Variants in TRPC4 observed in about 807,000 individuals in gnomAD.
TRPC4 encodes transient receptor potential cation channel subfamily C member 4.
TRPC4 carries 49 observed loss-of-function variants against 99.4 expected under a neutral mutation model. The ratio of observed to expected loss-of-function variants is 0.49; its 90% CI spans 0.39 to 0.63. The LOEUF is 0.63. Ranked by LOEUF, TRPC4 falls within the 20% of genes least tolerant of loss-of-function variation. The probability of loss-of-function intolerance (pLI) is 0.00; values close to 1 mark genes in which losing one functional copy is unlikely to be tolerated. For missense variants in TRPC4, 898 were observed against 1,152.9 expected (o/e 0.78, Z 3.20); for synonymous variants, 454 against 425.9 (o/e 1.07, Z -0.81).
At chr13:37,680,195 G>A (rs557354460) in intron 4 of TRPC4, among the ~76,000 whole-genome samples, 1 of 152,292 alleles carries the variant, frequency 6.6e-6, no homozygotes, top group Non-Finnish European at 1.5e-5. Context: ...TAAAGAAGAA[G>A]TTATGAGCTT....
chr13:37,811,215 A>G (rs1957676068), intron 1 of TRPC4, among the ~76,000 whole-genome samples: 1 of 152,188 alleles, frequency 6.6e-6, no homozygotes, highest in Non-Finnish European at 1.5e-5. Context: ...CAATAACAAA[A>G]TTGGCAACAT....
At chr13:37,707,317 A>T (rs1030043777) in intron 3 of TRPC4, among the ~76,000 whole-genome samples, 1 of 152,158 alleles carries the variant, frequency 6.6e-6, no homozygotes, top group Non-Finnish European at 1.5e-5. Flanking sequence ...AGCAACTTGT[A>T]TGTTTTGAGT....
intron 3 of TRPC4, among the ~76,000 whole-genome samples, chr13:37,736,083 T>C (rs983114082): frequency 1.3e-5 from 2 of 152,198 alleles, no homozygotes; most frequent in African/African-American, 2.4e-5. Flanking sequence ...GGGATTGAAT[T>C]CCAGGGTCTA....
At chr13:37,742,772 AG>A (rs779137759) in intron 3 of TRPC4, among the ~76,000 whole-genome samples, 7 of 152,202 alleles carry the variant, frequency 4.6e-5, no homozygotes, top group Non-Finnish European at 1.0e-4. Flanking sequence ...GACATGCTAA[AG>A]CAGAATTTTC....
chr13:37,846,061 A>G (rs1420246792), intron 1 of TRPC4, among the ~76,000 whole-genome samples: 1 of 152,140 alleles, frequency 6.6e-6, no homozygotes, highest in East Asian at 1.9e-4. Flanking sequence ...GCCAACCAAG[A>G]ATACTTTACC....
intron 2 of TRPC4, among the ~76,000 whole-genome samples, chr13:37,762,070 A>G (rs1389973992): frequency 6.6e-6 from 1 of 151,866 alleles, no homozygotes; most frequent in African/African-American, 2.4e-5. Context: ...TTAAATCACC[A>G]GCAGGTTGGA....
chr13:37,813,924 A>C (rs1957771413), intron 1 of TRPC4, among the ~76,000 whole-genome samples: 1 of 151,876 alleles, frequency 6.6e-6, no homozygotes. Flanking sequence ...TAGAAATAAA[A>C]AAAGTCCTAA....
At chr13:37,722,546 C>T (rs1423025445) in intron 3 of TRPC4, among the ~76,000 whole-genome samples, 2 of 152,104 alleles carry the variant, frequency 1.3e-5, no homozygotes, top group Non-Finnish European at 2.9e-5. Flanking sequence ...AGAACAAACA[C>T]TTGGATTATT....
At chr13:37,757,786 C>T (rs76904546) in intron 2 of TRPC4, among the ~76,000 whole-genome samples, 5,095 of 151,914 alleles carry the variant, frequency 0.034, 261 homozygotes, top group African/African-American at 0.12. Flanking sequence ...GCATAAACAA[C>T]CAGAGAAATT....
At chr13:37,696,916 C>CTTT (rs5802894) in intron 3 of TRPC4, among the ~76,000 whole-genome samples, 6 of 140,998 alleles carry the variant, frequency 4.3e-5, no homozygotes, top group East Asian at 2.1e-4. Context: ...GCTGAAACAT[C>CTTT]TTTTTTTTTT....
At chr13:37,847,670 A>G (rs1260710320) in intron 1 of TRPC4, among the ~76,000 whole-genome samples, 1 of 152,044 alleles carries the variant, frequency 6.6e-6, no homozygotes, top group South Asian at 2.1e-4. Flanking sequence ...AAAATAAAAT[A>G]AATATTTAAA....
intron 8 of TRPC4, among the ~76,000 whole-genome samples, chr13:37,644,438 C>G (rs1262366630): frequency 6.6e-6 from 1 of 152,088 alleles, no homozygotes; most frequent in Non-Finnish European, 1.5e-5. Flanking sequence ...TAAACTTTGA[C>G]AGAGTAATCT....
intron 1 of TRPC4, among the ~76,000 whole-genome samples, chr13:37,825,588 T>C (rs1481882069): frequency 6.8e-6 from 1 of 147,148 alleles, no homozygotes; most frequent in Non-Finnish European, 1.5e-5. Context: ...CGGTTTTGAG[T>C]GAGATTCTTA....
chr13:37,674,708 A>C (rs1952986248), intron 4 of TRPC4, among the ~76,000 whole-genome samples: 2 of 152,162 alleles, frequency 1.3e-5, no homozygotes, highest in Non-Finnish European at 2.9e-5. Context: ...ATGTCTTGAC[A>C]TATATTTTTC....
chr13:37,725,462 C>T (rs1955019646), intron 3 of TRPC4, among the ~76,000 whole-genome samples: 1 of 151,858 alleles, frequency 6.6e-6, no homozygotes, highest in African/African-American at 2.4e-5. Context: ...AAGACAAAGG[C>T]AAAGAGAGAA....
intron 1 of TRPC4, among the ~76,000 whole-genome samples, chr13:37,823,738 T>A (rs1223770819): frequency 2.7e-5 from 4 of 148,080 alleles, no homozygotes; most frequent in African/African-American, 9.9e-5. Flanking sequence ...TGGCTTAGGA[T>A]TGACTTGGCG....
At chr13:37,718,753 T>A (rs1214100043) in intron 3 of TRPC4, among the ~76,000 whole-genome samples, 1 of 151,950 alleles carries the variant, frequency 6.6e-6, no homozygotes, top group Non-Finnish European at 1.5e-5. Flanking sequence ...AAGGAAATAT[T>A]AAAATAAGCT....
intron 3 of TRPC4, among the ~76,000 whole-genome samples, chr13:37,723,924 A>G (rs1414202761): frequency 6.6e-6 from 1 of 152,112 alleles, no homozygotes; most frequent in African/African-American, 2.4e-5. Flanking sequence ...TGATGGAACT[A>G]TTCCTTTCTA....
At chr13:37,779,756 C>CA (rs967507596) in intron 2 of TRPC4, among the ~76,000 whole-genome samples, 15 of 151,972 alleles carry the variant, frequency 9.9e-5, no homozygotes, top group Non-Finnish European at 1.3e-4. Context: ...ACTAACAAAT[C>CA]AAAAAACTAC....
Sources: gnomAD v4.1 joint callset for allele counts (sites outside exome capture counted in the v4.1 genomes callset) on GRCh38, gnomAD v4.1.1 for gene constraint, MANE v1.5 for transcripts, NCBI Gene and HGNC (gene_info 2026-07-23, HGNC 2026-07-21) for gene names.